The following KLK11 variants were observed in gnomAD, a reference collection of about 807,000 sequenced individuals.
KLK11 encodes the protein kallikrein-11.
In KLK11, 10 loss-of-function variants were observed where a neutral mutation model predicts 23.4. The ratio of observed to expected loss-of-function variants is 0.43; its 90% CI spans 0.26 to 0.73. The LOEUF (loss-of-function observed/expected upper bound fraction) is 0.73, where lower values mean the gene tolerates loss of function less well. KLK11 is among the 30% of genes least tolerant of loss of function. The pLI is 0.22. For synonymous variants in KLK11, 131 were observed against 131.7 expected (o/e 0.99, Z 0.03); for missense variants, 285 against 327.8 (o/e 0.87, Z 1.01).
In KLK11 at chr19:51,022,314, A is replaced by G; in HGVS notation, c.*231T>C. The G allele has an allele frequency of 1.8e-6, 1 of 563,202 alleles. No homozygotes were observed. Among genetic ancestry groups the G allele is most frequent in the South Asian group, 2.0e-5 (1 of 50,024 alleles). 34.9% of individuals were successfully genotyped at this position (563,202 alleles called of 1,614,324 possible). A position where few individuals can be genotyped will look rare whatever the true frequency, so the allele number is the denominator to read the frequency against. On this transcript the variant is annotated 3_prime_UTR_variant, in exon 6 of 6. Coordinates refer to ENST00000453757, the MANE Select transcript of KLK11 (RefSeq NM_001136032.3). ...GGGCTGGGGATACAACAGAGAACAA[A>G]CCAGGTGTTGTCATTCCCAGAGTCA...
chr19:51,024,203 A>G lies in KLK11; in HGVS notation c.305T>C (p.Leu102Pro). 6.2e-7 allele frequency: 1 copy of G among 1,613,774 alleles called. No homozygotes were observed. Residue 102 changes from leucine to proline, a missense_variant, in exon 4 of 6, where the codon CTC becomes CCC. Leu to Pro is a moderately conservative substitution (Grantham distance 98, BLOSUM62 -3). Coordinates refer to ENST00000453757, the MANE Select transcript of KLK11 (RefSeq NM_001136032.3). This position sits in a 1 kb window ranked among gnomAD's most constrained non-coding sequence, Gnocchi z 6.2. ...SFPHPGFNNS[L>P]PNKDHRNDIM... ...GTCATTGCGGTGGTCTTTGTTGGGG[A>G]GGCTGTTGTTGAAGCCGGGGTGGGG... is the stretch of plus-strand genomic sequence containing the variant.
intron 5 of KLK11, 101 bp downstream of exon 5, chr19:51,022,991 G>T: frequency 7.6e-7 from 1 of 1,316,266 alleles, no homozygotes; most frequent in Non-Finnish European, 1.1e-6. Context: ...GGGAGTTGCA[G>T]GGGTCGGCGG....
At position 51,023,186 on chromosome 19, in the gene KLK11, A is replaced by C; in HGVS notation, c.506T>G (p.Ile169Ser). 6.2e-7 allele frequency: 1 copy of C among 1,613,732 alleles called. No individual in the cohort carries two copies. Among genetic ancestry groups the C allele is most frequent in the Non-Finnish European group, 8.5e-7 (1 of 1,179,928 alleles). Reference protein sequence around the residue: ...HTLRCANITIIEHQKCENAYP... With the variant: ...HTLRCANITISEHQKCENAYP... Reference sequence around the variant, plus strand: ...GGCGTTCTCACACTTCTGGTGCTCAATGATGGTGATGTTGGCGCATCGCAA... The same window carrying C: ...GGCGTTCTCACACTTCTGGTGCTCACTGATGGTGATGTTGGCGCATCGCAA... The change falls in exon 5 of 6, where the codon ATT becomes AGT. Residue 169 changes from isoleucine (I) to serine (S), a missense_variant. By Grantham distance (142) the Ile-to-Ser change is moderately radical. Coordinates refer to ENST00000453757, the MANE Select transcript of KLK11 (RefSeq NM_001136032.3).
upstream of KLK11, chr19:51,027,371 C>T: frequency 7.3e-7 from 1 of 1,376,228 alleles, no homozygotes; most frequent in Non-Finnish European, 1.0e-6. Context: ...CCCCAGGGCT[C>T]CTCTGGGGCC....
rs553620218 is a variant in KLK11, at chr19:51,025,573, G to A, written c.40+19C>T. ...GATTCAAGAGGGAGGATCCTGCCCT[G>A]CCCCCATCCCCTGCGTACCTGTTGC... On this transcript the variant is annotated intron_variant, in intron 2 of 5. Transcript: ENST00000453757. The surrounding 1 kb of genome is among the most constrained non-coding windows in gnomAD (Gnocchi z 6.2). The A allele has an allele frequency of 1.1e-5, 17 of 1,531,974 alleles. No homozygotes were observed. In the South Asian group the frequency reaches 1.8e-4, roughly 16 times the overall value. The allele number at this position is 1,531,974 out of a possible 1,614,324, so 94.9% of individuals were successfully genotyped here. A position where few individuals can be genotyped will look rare whatever the true frequency, so the allele number is the denominator to read the frequency against.
In KLK11 at chr19:51,025,435, A is replaced by G. The variant is rs1015497956; in HGVS notation, c.40+157T>C. Among the ~76,000 whole-genome samples, 2 of 152,088 alleles carry G rather than the reference A, an allele frequency of 1.3e-5. No individual in the cohort carries two copies. The highest frequency in any genetic ancestry group is 2.9e-5 in the Non-Finnish European group (2 of 68,020). On this transcript the variant is annotated intron_variant, in intron 2 of 5. Transcript: ENST00000453757. This position sits in a 1 kb window ranked among gnomAD's most constrained non-coding sequence, Gnocchi z 6.2. ...TTGGCATTTAAAGGGATTATCTAGAAGGGCATCCAGGCCCTCATGACCACT... is the reference window on the plus strand; with the variant it reads ...TTGGCATTTAAAGGGATTATCTAGAGGGGCATCCAGGCCCTCATGACCACT...
At chr19:51,022,734 C>A in intron 5 of KLK11, 37 bp from the exon 6 acceptor site, 2 of 1,611,236 alleles carry the variant, frequency 1.2e-6, no homozygotes, top group South Asian at 1.1e-5. Context: ...TCAGAGAAAG[C>A]GTTGAGCATG....
Position 51,024,785 on chromosome 19 carries a change from C to G in KLK11, c.50G>C (p.Gly17Ala), listed in dbSNP as rs3745539. The change falls in exon 3 of 6, where the codon GGG becomes GCG. Residue 17 changes from glycine (G) to alanine (A), a missense_variant. By Grantham distance (60) the Gly-to-Ala change is moderately conservative. Transcript: ENST00000453757. This position sits in a 1 kb window ranked among gnomAD's most constrained non-coding sequence, Gnocchi z 6.2. ...ILLALATGLV[G>A]GETRIIKGFE... ...CCCCTTGATGATCCTGGTCTCTCCC[C>G]CTACAAGCCCTGGAGGGGGTGAGAG... 3 of 1,582,732 alleles carry G rather than the reference C, an allele frequency of 1.9e-6. No homozygotes were observed. The highest frequency in any genetic ancestry group is 8.6e-7 in the Non-Finnish European group (1 of 1,169,252).
chr19:51,022,681 G>A lies in KLK11; in HGVS notation c.617C>T (p.Pro206Leu). 6.2e-7 allele frequency: 1 copy of A among 1,613,084 alleles called. No individual in the cohort carries two copies. The highest frequency in any genetic ancestry group is 8.5e-7 in the Non-Finnish European group (1 of 1,180,040). The change falls in exon 6 of 6, where the codon CCT (proline) becomes CTT (leucine). Residue 206 changes from proline to leucine, a missense_variant. Coordinates refer to ENST00000453757, the MANE Select transcript of KLK11 (RefSeq NM_001136032.3). ...TTGAAGAGACTGGTTACAGACCAGAGGGCCCCCGGAGTCACCCTGGGCACG... is the reference window on the plus strand; with the variant it reads ...TTGAAGAGACTGGTTACAGACCAGAAGGCCCCCGGAGTCACCCTGGGCACG... Reference protein sequence around the residue: ...KDSCQGDSGGPLVCNQSLQGI... With the variant: ...KDSCQGDSGGLLVCNQSLQGI...
In KLK11 at chr19:51,022,705, CG is replaced by C. The variant is rs1568569961; in HGVS notation, c.601-9del. 11 of 1,612,448 alleles carry C rather than the reference CG, an allele frequency of 6.8e-6. No individual in the cohort carries two copies. Among genetic ancestry groups the C allele is most frequent in the Non-Finnish European group, 9.3e-6 (11 of 1,179,980 alleles). The stretch of plus-strand genomic sequence containing the variant: ...AGGGCCCCCGGAGTCACCCTGGGCA[CG>C]GGGAGAGAGAATGTCGGTCAGAGAA... On this transcript the variant is annotated splice_polypyrimidine_tract_variant and intron_variant, in intron 5 of 5. Coordinates refer to ENST00000453757, the MANE Select transcript of KLK11 (RefSeq NM_001136032.3).
intron 4 of KLK11, chr19:51,023,533 C>T (rs1047484660): frequency 2.1e-5 from 6 of 285,606 alleles, no homozygotes. Flanking sequence ...TACAGGCGCA[C>T]ACAACCACGC....
At chr19:51,027,445 C>A, upstream of KLK11, 1 of 1,613,676 alleles carries the variant, frequency 6.2e-7, no homozygotes, top group Non-Finnish European at 8.5e-7. Context: ...CCGAGTCCAG[C>A]TGTTCACTTA....
In KLK11 at chr19:51,022,452, G is replaced by T; in HGVS notation, c.*93C>A. On this transcript the variant is annotated 3_prime_UTR_variant, in exon 6 of 6. Coordinates refer to ENST00000453757, the MANE Select transcript of KLK11 (RefSeq NM_001136032.3). Reference sequence around the variant, plus strand: ...GGAGGCCCAAAGAATGTTCGTAGAGGGTCTTGGCTTAGGGTTTCTTATTAA... The same window carrying T: ...GGAGGCCCAAAGAATGTTCGTAGAGTGTCTTGGCTTAGGGTTTCTTATTAA... 1 of 1,464,040 alleles carries T rather than the reference G, an allele frequency of 6.8e-7. No homozygotes were observed. Among genetic ancestry groups the T allele is most frequent in the African/African-American group, 1.4e-5 (1 of 71,880 alleles). The allele number at this position is 1,464,040 out of a possible 1,614,324, so 90.7% of individuals were successfully genotyped here. A position where few individuals can be genotyped will look rare whatever the true frequency, so the allele number is the denominator to read the frequency against.
chr19:51,024,858 C>T lies in KLK11; in HGVS notation c.41-64G>A. 1 of 1,433,830 alleles carries T rather than the reference C, an allele frequency of 7.0e-7. No homozygotes were observed. The allele number at this position is 1,433,830 out of a possible 1,614,324, so 88.8% of individuals were successfully genotyped here. On this transcript the variant is annotated intron_variant, in intron 2 of 5. Coordinates refer to ENST00000453757, the MANE Select transcript of KLK11 (RefSeq NM_001136032.3). This position sits in a 1 kb window ranked among gnomAD's most constrained non-coding sequence, Gnocchi z 6.2. ...AGAGGTGGTAGACCAGGAGGACTCC[C>T]AGAAATGGGGGTGGGGAGGAGAGAA...
chr19:51,027,609 AC>A, upstream of KLK11: 1 of 1,513,150 alleles, frequency 6.6e-7, no homozygotes, highest in Non-Finnish European at 9.1e-7. Flanking sequence ...CTCTCCCCTG[AC>A]CAGGTGTGGA....
At chr19:51,026,673 G>A (rs572990363), upstream of KLK11, 221 of 890,436 alleles carry the variant, frequency 2.5e-4, 1 homozygote, top group Middle Eastern at 5.7e-4. Flanking sequence ...GGCCCTGGGC[G>A]GGCCCAGGAT....
Position 51,022,703 on chromosome 19 carries a change from C to G in KLK11, c.601-6G>C. Reference sequence around the variant, plus strand: ...AGAGGGCCCCCGGAGTCACCCTGGGCACGGGGAGAGAGAATGTCGGTCAGA... The same window carrying G: ...AGAGGGCCCCCGGAGTCACCCTGGGGACGGGGAGAGAGAATGTCGGTCAGA... On this transcript the variant is annotated splice_polypyrimidine_tract_variant and splice_region_variant and intron_variant, in intron 5 of 5. Coordinates refer to ENST00000453757, the MANE Select transcript of KLK11 (RefSeq NM_001136032.3). 4 of 1,612,600 alleles carry G rather than the reference C, an allele frequency of 2.5e-6. No individual in the cohort carries two copies. The highest frequency in any genetic ancestry group is 3.4e-6 in the Non-Finnish European group (4 of 1,179,978).
At chr19:51,027,582 C>A, upstream of KLK11, 2 of 1,593,892 alleles carry the variant, frequency 1.3e-6, no homozygotes, top group South Asian at 1.1e-5. Flanking sequence ...GGTCCCTTCC[C>A]TTGGCTTTCC....
Position 51,024,835 on chromosome 19 carries a change from A to T in KLK11, c.41-41T>A, listed in dbSNP as rs1407298286. ...GCAAAAGAAGGGGCTCAGGAAGGAG[A>T]GGTGGTAGACCAGGAGGACTCCCAG... On this transcript the variant is annotated intron_variant, in intron 2 of 5. Coordinates refer to ENST00000453757, the MANE Select transcript of KLK11 (RefSeq NM_001136032.3). The surrounding 1 kb of genome is among the most constrained non-coding windows in gnomAD (Gnocchi z 6.2). The T allele has an allele frequency of 6.6e-6, 10 of 1,512,838 alleles. No homozygotes were observed. Among genetic ancestry groups the T allele is most frequent in the Non-Finnish European group, 8.8e-6 (10 of 1,136,366 alleles). The allele number at this position is 1,512,838 out of a possible 1,614,324, so 93.7% of individuals were successfully genotyped here.
Sources: gnomAD v4.1 joint callset for allele counts (sites outside exome capture counted in the v4.1 genomes callset) on GRCh38, gnomAD v4.1.1 for gene constraint, Gnocchi (gnomAD v3.1) non-coding constraint, MANE v1.5 for transcripts, NCBI Gene and HGNC (gene_info 2026-07-23, HGNC 2026-07-21) for gene names.